KDM6A: variants seen among roughly 807,000 people sequenced by gnomAD.
KDM6A encodes lysine demethylase 6A, also known as lysine-specific demethylase 6A.
Under a neutral mutation model 117.6 loss-of-function variants are expected in KDM6A, and 11 were observed. The observed-to-expected ratio is 0.09, with a 90% CI of 0.06 to 0.15. The LOEUF is 0.15. Ranked by LOEUF, KDM6A falls within the 10% of genes least tolerant of loss-of-function variation. The pLI is 1.00. For synonymous variants in KDM6A, 384 were observed against 396.1 expected (o/e 0.97, Z 0.36); for missense variants, 799 against 1,077.3 (o/e 0.74, Z 3.62).
At chrX:44,977,280 G>A (rs751291399) in intron 4 of KDM6A, among the ~76,000 whole-genome samples, 1 of 110,915 alleles carries the variant, frequency 9.0e-6, no homozygotes, top group Non-Finnish European at 1.9e-5. Context: ...TAGAGACAAG[G>A]TCTTGCTCTC....
chrX:44,984,451 A>G (rs1169370447), intron 4 of KDM6A, among the ~76,000 whole-genome samples: 5 of 111,272 alleles, frequency 4.5e-5, no homozygotes, highest in Non-Finnish European at 5.7e-5. Flanking sequence ...TTTTGTTGCC[A>G]TTGCTTTTGG....
At chrX:44,878,722 T>C (rs745390365) in intron 2 of KDM6A, among the ~76,000 whole-genome samples, 61 of 110,801 alleles carry the variant, frequency 5.5e-4, no homozygotes, top group African/African-American at 1.9e-3. Context: ...CTAGATACTT[T>C]TTGTTTTTTT....
At chrX:45,085,529 A>G (rs1043483756) in intron 24 of KDM6A, among the ~76,000 whole-genome samples, 1 of 111,960 alleles carries the variant, frequency 8.9e-6, no homozygotes, top group South Asian at 3.7e-4. Context: ...TCTTACATAT[A>G]GGGAAACTGA....
At chrX:45,022,056 A>G (rs771299387) in intron 6 of KDM6A, among the ~76,000 whole-genome samples, 1 of 112,480 alleles carries the variant, frequency 8.9e-6, no homozygotes, top group African/African-American at 3.2e-5. Context: ...ATTATGTTGC[A>G]GAAGTGTTTT....
At chrX:44,920,277 G>A (rs2035829300) in intron 2 of KDM6A, among the ~76,000 whole-genome samples, 1 of 110,889 alleles carries the variant, frequency 9.0e-6, no homozygotes, top group Non-Finnish European at 1.9e-5. Context: ...GTAGATGAGT[G>A]TTTAGGATTT....
chrX:45,088,457 G>A (rs1016522814), intron 25 of KDM6A, among the ~76,000 whole-genome samples: 5 of 113,568 alleles, frequency 4.4e-5, no homozygotes, highest in African/African-American at 1.6e-4. Context: ...GAGATAGTAC[G>A]TAAGTGAATG....
intron 6 of KDM6A, among the ~76,000 whole-genome samples, chrX:45,028,105 G>A (rs997505169): frequency 8.9e-6 from 1 of 111,856 alleles, no homozygotes; most frequent in African/African-American, 3.3e-5. Flanking sequence ...GAGCCACCAC[G>A]CCCGGCCTGT....
rs777851274 is a variant in KDM6A at position 45,071,154 on chromosome X, A to G, written c.2858+797A>G. 2.7e-5 allele frequency among the ~76,000 whole-genome samples: 3 copies of G among 112,470 alleles called. No individual in the cohort carries two copies. In the South Asian group the frequency reaches 1.1e-3, roughly 41 times the overall value. ...CTAAATCTTGAATGAAATTTAGTTA[A>G]CATAACTGGAACAAACAAATAATTC... On this transcript the variant is annotated intron_variant, in intron 18 of 29. Coordinates refer to ENST00000611820, the MANE Select transcript of KDM6A (RefSeq NM_001291415.2).
At chrX:45,043,843 T>G (rs754824114) in intron 8 of KDM6A, among the ~76,000 whole-genome samples, 1 of 112,242 alleles carries the variant, frequency 8.9e-6, no homozygotes, top group African/African-American at 3.2e-5. Flanking sequence ...TAAAGATAAC[T>G]TTGCTTCTCT....
At chrX:44,889,786 AGATTG>A (rs2033189099) in intron 2 of KDM6A, among the ~76,000 whole-genome samples, 1 of 112,588 alleles carries the variant, frequency 8.9e-6, no homozygotes, top group Non-Finnish European at 1.9e-5. Flanking sequence ...ATCACATGAC[AGATTG>A]GATATCATGC....
intron 2 of KDM6A, among the ~76,000 whole-genome samples, chrX:44,903,786 A>G (rs140974091): frequency 0.038 from 4,275 of 111,769 alleles, 211 homozygotes; most frequent in African/African-American, 0.13. Flanking sequence ...CTATTAAAAT[A>G]TAATTTCTCT....
intron 29 of KDM6A, 94 bp downstream of exon 29, chrX:45,110,343 T>C: frequency 1.2e-6 from 1 of 813,419 alleles, no homozygotes; most frequent in Non-Finnish European, 1.9e-6. Flanking sequence ...AATGAAATAT[T>C]TTAAATTTTC....
intron 2 of KDM6A, among the ~76,000 whole-genome samples, chrX:44,937,700 G>A (rs2037056882): frequency 8.9e-6 from 1 of 111,766 alleles, no homozygotes; most frequent in Admixed American, 9.5e-5. Context: ...GAATAACCCT[G>A]TGGTAACCTC....
At chrX:45,005,952 C>T (rs1246558496) in intron 4 of KDM6A, among the ~76,000 whole-genome samples, 1 of 57,216 alleles carries the variant, frequency 1.7e-5, no homozygotes, top group African/African-American at 9.6e-5. Context: ...TACTTCACCT[C>T]ACCCCCCCAC....
Position 44,932,084 on chromosome X carries a change from C to CT in KDM6A, c.226-29172dup, listed in dbSNP as rs796121677. 3.3e-3 allele frequency among the ~76,000 whole-genome samples: 56 copies of CT among 17,083 alleles called. 4 individuals carry two copies. The highest frequency in any genetic ancestry group is 4.8e-3 in the African/African-American group (21 of 4,414). The allele number at this position is 17,083 out of a possible 115,157, so 14.8% of individuals were successfully genotyped here. On this transcript the variant is annotated intron_variant, in intron 2 of 29. Transcript: ENST00000611820. ...GCTGGTCCTGATTGCTCTAGGTAGC[C>CT]TTTTTTTTTTTTTTTTTTTTTTTTT...
intron 5 of KDM6A, among the ~76,000 whole-genome samples, chrX:45,019,713 A>G (rs1006537559): frequency 9.0e-6 from 1 of 111,690 alleles, no homozygotes. Context: ...GGAACCTAAA[A>G]TGATACTGAA....
intron 2 of KDM6A, among the ~76,000 whole-genome samples, chrX:44,885,301 C>T (rs2032755397): frequency 9.1e-6 from 1 of 109,350 alleles, no homozygotes; most frequent in African/African-American, 3.3e-5. Context: ...GCTGGGATTA[C>T]AGGCATGAGC....
intron 2 of KDM6A, among the ~76,000 whole-genome samples, chrX:44,941,139 C>A (rs1445500472): frequency 9.0e-6 from 1 of 111,268 alleles, no homozygotes; most frequent in Non-Finnish European, 1.9e-5. Context: ...CTGGCATTTT[C>A]TTTTAATAAA....
rs377060698 is a variant in KDM6A at position 44,981,286 on chromosome X, A to G, written c.384+6571A>G. 3.1e-4 allele frequency among the ~76,000 whole-genome samples: 35 copies of G among 112,003 alleles called. 1 individual carries two copies. In the South Asian group the frequency reaches 0.013, roughly 42 times the overall value. On this transcript the variant is annotated intron_variant, in intron 4 of 29. Transcript: ENST00000611820. Reference sequence around the variant, plus strand: ...AACTTTTGAATGACTGGCTATATAAATCGGGGTTCCCATGACCCTCTCCTT... The same window carrying G: ...AACTTTTGAATGACTGGCTATATAAGTCGGGGTTCCCATGACCCTCTCCTT...
Sources: gnomAD v4.1 joint callset for allele counts (sites outside exome capture counted in the v4.1 genomes callset) on GRCh38, gnomAD v4.1.1 for gene constraint, MANE v1.5 for transcripts, NCBI Gene and HGNC (gene_info 2026-07-23, HGNC 2026-07-21) for gene names.